The following EIF4E2 variants were observed in gnomAD, a reference collection of about 807,000 sequenced individuals.
EIF4E2 encodes the protein eukaryotic translation initiation factor 4E type 2.
A neutral mutation model predicts 34.2 loss-of-function variants in EIF4E2; 13 were observed. The ratio of observed to expected loss-of-function variants is 0.38; its 90% CI spans 0.25 to 0.60. EIF4E2 has a LOEUF of 0.60. EIF4E2 is among the 20% of genes least tolerant of loss of function. EIF4E2 has a pLI of 0.62. For synonymous variants in EIF4E2, 100 were observed against 106.6 expected, an observed-to-expected ratio of 0.94 and a Z score of 0.38; for missense variants, 222 against 315.1, an observed-to-expected ratio of 0.70 and a Z score of 2.24.
In EIF4E2 at chr2:232,567,249, T is replaced by A. The variant is rs774289472; in HGVS notation, c.665+35T>A. On this transcript the variant is annotated intron_variant, in intron 6 of 6. Coordinates refer to ENST00000258416, the MANE Select transcript of EIF4E2 (RefSeq NM_004846.4). Reference sequence around the variant, plus strand: ...GGGGGGTTATGGGAGGACGTGTCCCTAAGCTTAGTATAAGTAGATCTGTAG... The same window carrying A: ...GGGGGGTTATGGGAGGACGTGTCCCAAAGCTTAGTATAAGTAGATCTGTAG... 3 of 1,612,806 alleles carry A rather than the reference T, an allele frequency of 1.9e-6. No homozygotes were observed. The Admixed American group carries it at 5.0e-5, about 27-fold the overall frequency.
downstream of EIF4E2, among the ~76,000 whole-genome samples, chr2:232,571,014 G>A (rs1693079160): frequency 6.6e-6 from 1 of 152,212 alleles, no homozygotes; most frequent in South Asian, 2.1e-4. Flanking sequence ...CTGGAGATAG[G>A]GCTGCTGGTG....
intron 6 of EIF4E2, chr2:232,567,722 A>ATTCTGCTCTCTC (rs1692985505): frequency 2.0e-6 from 2 of 991,992 alleles, no homozygotes; most frequent in African/African-American, 3.5e-5. Context: ...TGTGTGTGAG[A>ATTCTGCTCTCTC]GAGCAGAATC....
intron 1 of EIF4E2, among the ~76,000 whole-genome samples, chr2:232,554,929 C>A (rs951993987): frequency 8.5e-5 from 13 of 152,226 alleles, no homozygotes; most frequent in African/African-American, 2.9e-4. Context: ...GGTTATTGCC[C>A]AGGCTGGACT....
intron 6 of EIF4E2, among the ~76,000 whole-genome samples, chr2:232,575,643 A>G (rs1333825137): frequency 6.6e-6 from 1 of 152,226 alleles, no homozygotes; most frequent in Non-Finnish European, 1.5e-5. Flanking sequence ...GTCTGTATAT[A>G]TAGTCAACAT....
downstream of EIF4E2, among the ~76,000 whole-genome samples, chr2:232,573,282 G>C (rs1574676203): frequency 6.6e-6 from 1 of 152,334 alleles, no homozygotes; most frequent in Admixed American, 6.5e-5. Context: ...CATAAATGTA[G>C]TGTATTGTCA....
chr2:232,569,831 C>T (rs1276393687), downstream of EIF4E2: 1 of 152,236 alleles, frequency 6.6e-6, no homozygotes, highest in Non-Finnish European at 1.5e-5. Context: ...TGTTACTGCA[C>T]ATCAGGATCT....
rs1356057434 is a variant in EIF4E2, at chr2:232,581,025, A to G, written c.*82A>G. ...TGGGAGGCCTCCAGCCAGTCCTTCC[A>G]TTGCTCACTGAAGGGACGTCCCTGA... On this transcript the variant is annotated 3_prime_UTR_variant, in exon 7 of 7. Coordinates refer to the EIF4E2 transcript ENST00000409098. The surrounding 1 kb of genome is among the most constrained non-coding windows in gnomAD (Gnocchi z 5.2). The G allele has an allele frequency of 2.2e-6, 3 of 1,382,760 alleles. No homozygotes were observed. The highest frequency in any genetic ancestry group is 1.2e-5 in the South Asian group (1 of 80,698). The allele number at this position is 1,382,760 out of a possible 1,614,324, so 85.7% of individuals were successfully genotyped here. A position where few individuals can be genotyped will look rare whatever the true frequency, so the allele number is the denominator to read the frequency against.
chr2:232,581,762 T>A lies in EIF4E2; in HGVS notation c.*819T>A, dbSNP rs1469519762. 2 of 152,782 alleles carry A rather than the reference T, an allele frequency of 1.3e-5. No individual in the cohort carries two copies. The highest frequency in any genetic ancestry group is 2.9e-5 in the Non-Finnish European group (2 of 68,536). The allele number at this position is 152,782 out of a possible 1,614,324, so 9.5% of individuals were successfully genotyped here. A position where few individuals can be genotyped will look rare whatever the true frequency, so the allele number is the denominator to read the frequency against. ...TTTTCCCATATGAGCAGACCCTGTGTGTCAGGCCTGTTTCCCATATGAGCA... is the reference window on the plus strand; with the variant it reads ...TTTTCCCATATGAGCAGACCCTGTGAGTCAGGCCTGTTTCCCATATGAGCA... On this transcript the variant is annotated 3_prime_UTR_variant, in exon 7 of 7. Transcript: ENST00000409098. This position sits in a 1 kb window ranked among gnomAD's most constrained non-coding sequence, Gnocchi z 5.2.
At chr2:232,556,372 A>G in intron 1 of EIF4E2, 44 bp from the exon 2 acceptor site, 1 of 1,530,980 alleles carries the variant, frequency 6.5e-7, no homozygotes, top group Non-Finnish European at 9.0e-7. Flanking sequence ...GTAAGCAAGA[A>G]TTGACTTCGT....
downstream of EIF4E2, among the ~76,000 whole-genome samples, chr2:232,572,591 T>A (rs1392829278): frequency 6.6e-6 from 1 of 152,184 alleles, no homozygotes; most frequent in African/African-American, 2.4e-5. Flanking sequence ...GGTCTCGAAC[T>A]CCTGAACTCA....
chr2:232,563,641 T>C (rs1692805337), intron 3 of EIF4E2, among the ~76,000 whole-genome samples: 1 of 152,188 alleles, frequency 6.6e-6, no homozygotes, highest in South Asian at 2.1e-4. Context: ...TGTAGAGTGG[T>C]ATGTGTGGTA....
At chr2:232,574,370 C>G in intron 6 of EIF4E2, 1 of 1,547,164 alleles carries the variant, frequency 6.5e-7, no homozygotes, top group Non-Finnish European at 8.7e-7. Flanking sequence ...TCTCTGTAAC[C>G]CTGTGACATA....
rs1206759515 is a variant in EIF4E2, at chr2:232,550,752, G to C, written c.20+8G>C. 2 of 1,569,570 alleles carry C rather than the reference G, an allele frequency of 1.3e-6. No homozygotes were observed. Among genetic ancestry groups the C allele is most frequent in the Non-Finnish European group, 1.7e-6 (2 of 1,160,220 alleles). On this transcript the variant is annotated splice_region_variant and intron_variant, in intron 1 of 6. Transcript: ENST00000258416. The stretch of plus-strand genomic sequence containing the variant: ...GAACAACAAGTTCGACGCGTGAGTG[G>C]CTCGTGGCCGCCCCCGGGGCCCCTT...
At chr2:232,558,218 A>G in intron 3 of EIF4E2, 200 bp downstream of exon 3, 1 of 575,308 alleles carries the variant, frequency 1.7e-6, no homozygotes, top group African/African-American at 1.9e-5. Flanking sequence ...ATCAACAAAT[A>G]TGAGAATTGT....
At chr2:232,582,144 A>G (rs1166547714) in exon 7 of EIF4E2, 1 of 152,692 alleles carries the variant, frequency 6.5e-6, no homozygotes, top group Non-Finnish European at 1.5e-5. Context: ...AAGAGCACCT[A>G]GGATTCAAAT....
chr2:232,559,153 C>T (rs540136347), intron 3 of EIF4E2, among the ~76,000 whole-genome samples: 1 of 150,640 alleles, frequency 6.6e-6, no homozygotes, highest in African/African-American at 2.5e-5. Flanking sequence ...AGCGCACCAG[C>T]ATGGCACATG....
At chr2:232,551,159 C>G in intron 1 of EIF4E2, 1 of 521,932 alleles carries the variant, frequency 1.9e-6, no homozygotes, top group Non-Finnish European at 3.8e-6. Context: ...CCTCAGTTTT[C>G]TCATCTGCAG....
chr2:232,564,377 T>G, intron 4 of EIF4E2, 26 bp downstream of exon 4: 1 of 1,463,978 alleles, frequency 6.8e-7, no homozygotes. Context: ...TTCTGACTGC[T>G]TTTTTGAGCA....
chr2:232,568,540 T>C (rs1236735970), intron 6 of EIF4E2: 2 of 985,396 alleles, frequency 2.0e-6, no homozygotes, highest in African/African-American at 3.5e-5. Flanking sequence ...TCTACACCTG[T>C]TTCTAGGATT....
Sources: gnomAD v4.1 joint callset for allele counts (sites outside exome capture counted in the v4.1 genomes callset) on GRCh38, gnomAD v4.1.1 for gene constraint, Gnocchi (gnomAD v3.1) non-coding constraint, MANE v1.5 for transcripts, NCBI Gene and HGNC (gene_info 2026-07-23, HGNC 2026-07-21) for gene names.